The following CSPP1 variants were observed in gnomAD, a reference collection of about 807,000 sequenced individuals.
CSPP1 encodes the protein centrosome and spindle pole-associated protein 1.
In CSPP1, 126 loss-of-function variants were observed where a neutral mutation model predicts 164.4. The ratio of observed to expected loss-of-function variants is 0.77; its 90% CI spans 0.66 to 0.89. CSPP1 has a LOEUF of 0.89. CSPP1 is among the 40% of genes least tolerant of loss of function. The pLI is 0.00. For missense variants in CSPP1, 1,395 were observed against 1,449.8 expected, an observed-to-expected ratio of 0.96 and a Z score of 0.61; for synonymous variants, 472 against 476.7, an observed-to-expected ratio of 0.99 and a Z score of 0.13.
intron 24 of CSPP1, among the ~76,000 whole-genome samples, chr8:67,171,549 A>G (rs1440246979): frequency 6.6e-6 from 1 of 151,478 alleles, no homozygotes; most frequent in Non-Finnish European, 1.5e-5. Context: ...TGCTTGACTA[A>G]TTTTGTTGTT....
intron 9 of CSPP1, among the ~76,000 whole-genome samples, chr8:67,108,027 G>C (rs1815992298): frequency 8.2e-6 from 1 of 122,382 alleles, no homozygotes; most frequent in African/African-American, 3.3e-5. Flanking sequence ...AATATAGTCT[G>C]TCTTGGTGAG....
chr8:67,124,455 C>T (rs1019102900), intron 15 of CSPP1, among the ~76,000 whole-genome samples: 9 of 152,034 alleles, frequency 5.9e-5, no homozygotes, highest in Non-Finnish European at 1.3e-4. Context: ...TTAAGTCTCT[C>T]AACACAGTTT....
In CSPP1 at chr8:67,116,073, G is replaced by A; in HGVS notation, c.1447G>A (p.Asp483Asn). 1 of 1,614,092 alleles carries A rather than the reference G, an allele frequency of 6.2e-7. No homozygotes were observed. Among genetic ancestry groups the A allele is most frequent in the Non-Finnish European group, 8.5e-7 (1 of 1,180,012 alleles). The change falls in exon 13 of 31, where the codon GAT becomes AAT. Residue 483 changes from aspartate (D) to asparagine (N), a missense_variant. Coordinates refer to ENST00000678616, the MANE Select transcript of CSPP1 (RefSeq NM_001382391.1). ...SVHPVPSQNE[D>N]LRSGLSSALG... ...TCATCCTGTTCCTTCTCAAAATGAAGATTTGCGCAGTGGACTCAGCAGCGC... is the reference window on the plus strand; with the variant it reads ...TCATCCTGTTCCTTCTCAAAATGAAAATTTGCGCAGTGGACTCAGCAGCGC...
intron 21 of CSPP1, among the ~76,000 whole-genome samples, chr8:67,161,525 TTC>T (rs1158388242): frequency 6.6e-6 from 1 of 152,190 alleles, no homozygotes; most frequent in South Asian, 2.1e-4. Context: ...GTTATATTTT[TTC>T]TTTTTTGTTG....
At chr8:67,174,578 T>G (rs1430814315) in intron 25 of CSPP1, 2 of 152,030 alleles carry the variant, frequency 1.3e-5, no homozygotes, top group South Asian at 2.1e-4. Flanking sequence ...CTGGCCAACA[T>G]AGTGAAACCT....
At chr8:67,185,120 AAAAC>A (rs531865798) in intron 28 of CSPP1, among the ~76,000 whole-genome samples, 4,852 of 151,230 alleles carry the variant, frequency 0.032, 256 homozygotes, top group African/African-American at 0.1. Context: ...AAAAAAAACA[AAAAC>A]AAACAAACAA....
Position 67,193,538 on chromosome 8 carries a change from T to TA in CSPP1, c.3406dup (p.Arg1136LysfsTer5). The TA allele has an allele frequency of 6.2e-7, 1 of 1,613,504 alleles. No individual in the cohort carries two copies. The highest frequency in any genetic ancestry group is 8.5e-7 in the Non-Finnish European group (1 of 1,179,386). The stretch of plus-strand genomic sequence containing the variant: ...TATCCAGTGTAAATGTTGATGAGCT[T>TA]AGAGTGAGAAATGAGGAACGAATGC... On this transcript the variant is annotated frameshift_variant, in exon 30 of 31. Coordinates refer to ENST00000678616, the MANE Select transcript of CSPP1 (RefSeq NM_001382391.1). LOFTEE classifies it high-confidence loss of function.
intron 16 of CSPP1, chr8:67,134,954 A>G (rs1219074816): frequency 6.6e-6 from 1 of 152,226 alleles, no homozygotes; most frequent in African/African-American, 2.4e-5. Context: ...TTAGCTTCTA[A>G]TGAGAGAGTC....
At chr8:67,163,191 G>A (rs1158960458) in intron 22 of CSPP1, among the ~76,000 whole-genome samples, 3 of 152,296 alleles carry the variant, frequency 2.0e-5, no homozygotes, top group Admixed American at 1.3e-4. Flanking sequence ...AGTGATGGGT[G>A]TGAAAGCAAA....
chr8:67,136,033 C>T (rs1822187137), intron 16 of CSPP1: 1 of 152,234 alleles, frequency 6.6e-6, no homozygotes, highest in Non-Finnish European at 1.5e-5. Flanking sequence ...TGACATTTAT[C>T]CATTAAATTT....
chr8:67,184,363 A>G (rs958619450), intron 28 of CSPP1, among the ~76,000 whole-genome samples: 3 of 152,208 alleles, frequency 2.0e-5, no homozygotes, highest in African/African-American at 7.2e-5. Flanking sequence ...AATCAATGAA[A>G]CCAAGAGTTA....
chr8:67,072,003 C>A (rs1806893281), intron 1 of CSPP1, among the ~76,000 whole-genome samples: 1 of 152,114 alleles, frequency 6.6e-6, no homozygotes, highest in Admixed American at 6.5e-5. Flanking sequence ...TTTTTTTTAG[C>A]TGGGCGTGGT....
At chr8:67,168,082 G>T (rs1380600809) in intron 24 of CSPP1, among the ~76,000 whole-genome samples, 1 of 152,198 alleles carries the variant, frequency 6.6e-6, no homozygotes. Flanking sequence ...ATCACTCGTG[G>T]TTAGGAGCTG....
chr8:67,111,882 C>A (rs1426997237), intron 9 of CSPP1, 90 bp from the exon 10 acceptor site: 27 of 677,030 alleles, frequency 4.0e-5, no homozygotes, highest in South Asian at 3.8e-4. Context: ...TTATATGATA[C>A]AATTAAGATG....
intron 13 of CSPP1, among the ~76,000 whole-genome samples, chr8:67,117,453 T>C (rs1433278893): frequency 1.3e-5 from 2 of 152,206 alleles, no homozygotes; most frequent in Non-Finnish European, 2.9e-5. Flanking sequence ...GAATTTGCCT[T>C]TGCCATTTTT....
Position 67,156,519 on chromosome 8 carries a change from C to A in CSPP1, c.2242-1928C>A, listed in dbSNP as rs541708564. ...TTTTTAATTTTTCTTTCAGCAGCCT[C>A]TTCAAAATCTCTTCTCCCACCTCAA... On this transcript the variant is annotated intron_variant, in intron 19 of 30. Transcript: ENST00000678616. Among the ~76,000 whole-genome samples, 212 of 152,242 alleles carry A rather than the reference C, an allele frequency of 1.4e-3. 1 individual carries two copies. Among genetic ancestry groups the A allele is most frequent in the African/African-American group, 4.6e-3 (192 of 41,518 alleles).
chr8:67,123,905 C>CT (rs79650746), intron 15 of CSPP1, among the ~76,000 whole-genome samples: 1,988 of 124,734 alleles, frequency 0.016, 35 homozygotes, highest in African/African-American at 0.052. Flanking sequence ...CGGCCAGGCT[C>CT]TTTTTTTTTT....
chr8:67,163,501 C>T (rs1165123927), intron 22 of CSPP1, among the ~76,000 whole-genome samples: 1 of 151,984 alleles, frequency 6.6e-6, no homozygotes, highest in East Asian at 1.9e-4. Context: ...GGCAAGGACA[C>T]TTCCATCGTG....
chr8:67,138,848 G>C lies in CSPP1; in HGVS notation c.1975+1245G>C, dbSNP rs1421031554. On this transcript the variant is annotated intron_variant, in intron 17 of 30. Transcript: ENST00000678616. ...TGTTGCCATTGCTTTTGGTGTTTTA[G>C]ACATGAAGTCCTTGCCCATGCCTAT... 2.0e-5 allele frequency among the ~76,000 whole-genome samples: 3 copies of C among 152,280 alleles called. No homozygotes were observed. In the East Asian group the frequency reaches 5.8e-4, roughly 29 times the overall value.
Sources: gnomAD v4.1 joint callset for allele counts (sites outside exome capture counted in the v4.1 genomes callset) on GRCh38, gnomAD v4.1.1 for gene constraint, MANE v1.5 for transcripts, NCBI Gene and HGNC (gene_info 2026-07-23, HGNC 2026-07-21) for gene names.